Variants in POFUT1 observed in about 807,000 individuals in gnomAD.
POFUT1 encodes protein O-fucosyltransferase 1.
Under a neutral mutation model 42.4 loss-of-function variants are expected in POFUT1, and 16 were observed. The ratio of observed to expected loss-of-function variants is 0.38; its 90% CI spans 0.26 to 0.57. The LOEUF (loss-of-function observed/expected upper bound fraction) is 0.57, where lower values mean the gene tolerates loss of function less well. Ranked by LOEUF, POFUT1 falls within the 20% of genes least tolerant of loss-of-function variation. The probability of loss-of-function intolerance (pLI) is 0.71; values close to 1 mark genes in which losing one functional copy is unlikely to be tolerated. For synonymous variants in POFUT1, 206 were observed against 205.4 expected (o/e 1.00, Z -0.03); for missense variants, 470 against 504.6 (o/e 0.93, Z 0.66).
intron 4 of POFUT1, among the ~76,000 whole-genome samples, chr20:32,218,799 A>G (rs2047375919): frequency 6.6e-6 from 1 of 152,276 alleles, no homozygotes; most frequent in Non-Finnish European, 1.5e-5. Flanking sequence ...AAAGCTAGAA[A>G]AAGCACACAA....
chr20:32,231,126 C>T (rs2047441680), intron 6 of POFUT1, 65 bp downstream of exon 6: 9 of 1,564,986 alleles, frequency 5.8e-6, no homozygotes, highest in African/African-American at 5.4e-5. Context: ...GATGGTCCCA[C>T]TGCCCACTGC....
chr20:32,216,869 G>C, intron 4 of POFUT1, 148 bp downstream of exon 4: 1 of 1,488,968 alleles, frequency 6.7e-7, no homozygotes, highest in Non-Finnish European at 9.1e-7. Flanking sequence ...TTGGAATCCT[G>C]TGTGATCTGT....
At chr20:32,234,023 A>T (rs2047456406) in intron 6 of POFUT1, among the ~76,000 whole-genome samples, 1 of 152,058 alleles carries the variant, frequency 6.6e-6, no homozygotes, top group African/African-American at 2.4e-5. Context: ...CCTCTAAAAA[A>T]ATTGTTTTAA....
chr20:32,223,791 C>T (rs1384355939), intron 4 of POFUT1: 1 of 686,480 alleles, frequency 1.5e-6, no homozygotes, highest in Non-Finnish European at 1.8e-6. Context: ...AAGATTAAGC[C>T]ACAGACTCAG....
At chr20:32,210,025 C>T in intron 1 of POFUT1, 46 bp from the exon 2 acceptor site, 1 of 1,613,044 alleles carries the variant, frequency 6.2e-7, no homozygotes, top group Non-Finnish European at 8.5e-7. Flanking sequence ...TGCTCTATGC[C>T]CTCCATGCCC....
intron 4 of POFUT1, chr20:32,217,130 A>G: frequency 1.3e-6 from 2 of 1,589,252 alleles, no homozygotes; most frequent in Non-Finnish European, 1.7e-6. Flanking sequence ...GGACGTGTTT[A>G]TTAATTGCAC....
chr20:32,231,154 C>A, intron 6 of POFUT1, 93 bp downstream of exon 6: 1 of 1,423,696 alleles, frequency 7.0e-7, no homozygotes, highest in Non-Finnish European at 9.7e-7. Context: ...ACGGGCTCCC[C>A]TACAAGCCTT....
At chr20:32,234,223 A>G (rs540597162) in intron 6 of POFUT1, among the ~76,000 whole-genome samples, 1 of 152,344 alleles carries the variant, frequency 6.6e-6, no homozygotes, top group African/African-American at 2.4e-5. Context: ...AGGCAGAGGG[A>G]ACAGCACAAG....
In POFUT1 at chr20:32,230,881, G is replaced by A. The variant is rs775156354; in HGVS notation, c.798G>A (p.Gln266=). The part of the protein sequence containing the change: ...TAGSHFMASP[Q]CVGYSRSTAA... ...GCTCGCACTTCATGGCCTCTCCGCA[G>A]TGTGTGGGCTACAGCCGCAGCACAG... is the stretch of plus-strand genomic sequence containing the variant. Residue 266 remains glutamine, a synonymous_variant, in exon 6 of 7, where the codon CAG becomes CAA. Transcript: ENST00000375749. The A allele has an allele frequency of 4.3e-6, 7 of 1,614,062 alleles. No homozygotes were observed. The highest frequency in any genetic ancestry group is 1.6e-4 in the Middle Eastern group (1 of 6,084).
intron 4 of POFUT1, chr20:32,223,707 A>G: frequency 1.0e-6 from 1 of 984,640 alleles, no homozygotes; most frequent in Non-Finnish European, 1.2e-6. Flanking sequence ...AGGTCCCCAA[A>G]TCTTTCTCAT....
In POFUT1 at chr20:32,234,767, C is replaced by A; in HGVS notation, c.*106C>A. The A allele has an allele frequency of 1.0e-6, 1 of 972,860 alleles. No homozygotes were observed. Among genetic ancestry groups the A allele is most frequent in the Non-Finnish European group, 1.5e-6 (1 of 661,722 alleles). The allele number at this position is 972,860 out of a possible 1,614,324, so 60.3% of individuals were successfully genotyped here. ...AGGTGCTCCGGGATTGCAAACTCCTCTTCTCACCTGCCAAAGATGGAGAAG... is the reference window on the plus strand; with the variant it reads ...AGGTGCTCCGGGATTGCAAACTCCTATTCTCACCTGCCAAAGATGGAGAAG... On this transcript the variant is annotated 3_prime_UTR_variant, in exon 7 of 7. Transcript: ENST00000375749.
intron 4 of POFUT1, chr20:32,217,201 CATTT>C: frequency 7.0e-7 from 1 of 1,435,668 alleles, no homozygotes; most frequent in Non-Finnish European, 9.1e-7. Context: ...GGCCGTGAAA[CATTT>C]ATAGGGCGCC....
chr20:32,217,726 A>C, intron 4 of POFUT1: 1 of 985,414 alleles, frequency 1.0e-6, no homozygotes, highest in East Asian at 1.1e-4. Context: ...GTTGGCTGTC[A>C]GTGTTATTAC....
chr20:32,214,704 T>C (rs2047349442), intron 2 of POFUT1, among the ~76,000 whole-genome samples: 1 of 152,252 alleles, frequency 6.6e-6, no homozygotes, highest in East Asian at 1.9e-4. Flanking sequence ...CCTTTGCCTG[T>C]GTTTTATCTT....
chr20:32,209,826 G>A (rs1195274160), intron 1 of POFUT1, among the ~76,000 whole-genome samples: 1 of 152,194 alleles, frequency 6.6e-6, no homozygotes, highest in African/African-American at 2.4e-5. Flanking sequence ...GGGTGGGGAT[G>A]GGAATTGTAG....
intron 2 of POFUT1, among the ~76,000 whole-genome samples, chr20:32,213,232 C>T (rs995434286): frequency 1.3e-5 from 2 of 151,986 alleles, no homozygotes; most frequent in African/African-American, 2.4e-5. Flanking sequence ...CAGTGGGAGG[C>T]GGGCAAATCA....
Position 32,219,173 on chromosome 20 carries a change from A to G in POFUT1, c.542+2452A>G, listed in dbSNP as rs540782542. ...TAAGGCAGATAAGGTCCCTGCCCCA[A>G]TGGAACTCATAGTCTAACAGGGGAG... On this transcript the variant is annotated intron_variant, in intron 4 of 6. Transcript: ENST00000375749. Among the ~76,000 whole-genome samples, 6 of 152,348 alleles carry G rather than the reference A, an allele frequency of 3.9e-5. No homozygotes were observed. In the East Asian group the frequency reaches 7.7e-4, roughly 20 times the overall value.
At chr20:32,216,237 C>T (rs548550454) in intron 3 of POFUT1, among the ~76,000 whole-genome samples, 5 of 152,304 alleles carry the variant, frequency 3.3e-5, no homozygotes, top group South Asian at 2.1e-4. Flanking sequence ...GTCTGACCCT[C>T]AGTGGGCCTT....
intron 4 of POFUT1, among the ~76,000 whole-genome samples, chr20:32,226,020 T>C (rs76656358): frequency 0.017 from 2,554 of 152,284 alleles, 82 homozygotes; most frequent in African/African-American, 0.055. Flanking sequence ...TTGATGTCTA[T>C]AGTAAAAGTG....
Sources: allele counts gnomAD v4.1 joint callset (sites outside exome capture counted in the v4.1 genomes callset), GRCh38; gene constraint gnomAD v4.1.1; transcripts MANE v1.5; gene names NCBI Gene and HGNC (gene_info 2026-07-23, HGNC 2026-07-21).